P2RY2: variants seen among roughly 807,000 people sequenced by gnomAD.
The protein encoded by P2RY2 is purinergic receptor P2Y2, also known as P2Y purinoceptor 2.
For missense variants in P2RY2, 567 were observed against 515.7 expected, an observed-to-expected ratio of 1.10 and a Z score of -0.96; for synonymous variants, 241 against 231.9, an observed-to-expected ratio of 1.04 and a Z score of -0.35.
At position 73,235,990 on chromosome 11, in the gene P2RY2, G is replaced by C; in HGVS notation, c.*697G>C. 1 of 1,000,296 alleles carries C rather than the reference G, an allele frequency of 1.0e-6. No individual in the cohort carries two copies. Among genetic ancestry groups the C allele is most frequent in the African/African-American group, 1.7e-5 (1 of 57,338 alleles). The allele number at this position is 1,000,296 out of a possible 1,614,324, so 62.0% of individuals were successfully genotyped here. A position where few individuals can be genotyped will look rare whatever the true frequency, so the allele number is the denominator to read the frequency against. ...GGATATGGCAGGGAAGCTTTCACCA[G>C]CCACACAAGGGTCCTTTCTCCAATC... On this transcript the variant is annotated 3_prime_UTR_variant, in exon 3 of 3. Transcript: ENST00000393597.
Position 73,228,174 on chromosome 11 carries a change from A to T in P2RY2, c.-6A>T, listed in dbSNP as rs565731214. ...CTGACCTGGAGAGCAGGGGCTGGTC[A>T]GGTACGTGGGGTGGGGGTGGGGGGG... On this transcript the variant is annotated splice_region_variant and 5_prime_UTR_variant, in exon 2 of 3. Coordinates refer to ENST00000393597, the MANE Select transcript of P2RY2 (RefSeq NM_002564.4). 3 of 36,442 alleles carry T rather than the reference A, an allele frequency of 8.2e-5. No individual in the cohort carries two copies. Among genetic ancestry groups the T allele is most frequent in the Admixed American group, 3.8e-4 (1 of 2,612 alleles). The allele number at this position is 36,442 out of a possible 1,614,324, so 2.3% of individuals were successfully genotyped here.
intron 2 of P2RY2, among the ~76,000 whole-genome samples, chr11:73,229,156 C>T (rs117368479): frequency 1.3e-5 from 2 of 152,138 alleles, no homozygotes; most frequent in Non-Finnish European, 2.9e-5. Context: ...GACAAATTAC[C>T]AACTGGCTGA....
At chr11:73,218,635 C>T (rs972023395) in intron 1 of P2RY2, 1 of 152,114 alleles carries the variant, frequency 6.6e-6, no homozygotes, top group Non-Finnish European at 1.5e-5. Flanking sequence ...TGAACTTTGT[C>T]TCCACGGGAG....
Position 73,234,949 on chromosome 11 carries a change from A to AC in P2RY2, c.793dup (p.Arg265ProfsTer34), listed in dbSNP as rs1415433915. On this transcript the variant is annotated frameshift_variant, in exon 3 of 3. Transcript: ENST00000393597. LOFTEE classifies it low-confidence loss of function (END_TRUNC). Reference sequence around the variant, plus strand: ...CCTCTGCTTCCTGCCATTCCACGTCACCCGCACCCTCTACTACTCCTTCCG... The same window carrying AC: ...CCTCTGCTTCCTGCCATTCCACGTCACCCCGCACCCTCTACTACTCCTTCCG... 6.2e-7 allele frequency: 1 copy of AC among 1,610,656 alleles called. No homozygotes were observed. The highest frequency in any genetic ancestry group is 1.7e-5 in the Admixed American group (1 of 60,026).
Position 73,237,722 on chromosome 11 carries a change from C to G in P2RY2, c.*2429C>G, listed in dbSNP as rs986460667. Among the ~76,000 whole-genome samples the G allele has an allele frequency of 2.0e-5, 3 of 152,196 alleles. No homozygotes were observed. The highest frequency in any genetic ancestry group is 2.9e-5 in the Non-Finnish European group (2 of 68,042). The stretch of plus-strand genomic sequence containing the variant: ...GTGAACCAGGGGCACCTCTGGAACC[C>G]AGTTGGACTGCCTGGCCCCTTGGTA... On this transcript the variant is annotated 3_prime_UTR_variant, in exon 3 of 3. Transcript: ENST00000393597.
Position 73,239,027 on chromosome 11 carries a change from A to T in P2RY2, c.*3734A>T, listed in dbSNP as rs553415479. On this transcript the variant is annotated 3_prime_UTR_variant, in exon 3 of 3. Coordinates refer to ENST00000393597, the MANE Select transcript of P2RY2 (RefSeq NM_002564.4). ...TTTCTAAAGTGTGCTGCTACCTTCC[A>T]TGCAGGGCGTTGAGGGGCTTCCCTA... 2.0e-5 allele frequency: 3 copies of T among 152,332 alleles called. No individual in the cohort carries two copies. Among genetic ancestry groups the T allele is most frequent in the East Asian group, 1.9e-4 (1 of 5,192 alleles). 9.4% of individuals were successfully genotyped at this position (152,332 alleles called of 1,614,324 possible). A position where few individuals can be genotyped will look rare whatever the true frequency, so the allele number is the denominator to read the frequency against.
In P2RY2 at chr11:73,239,959, G is replaced by A. The variant is rs1304971493; in HGVS notation, c.*4666G>A. The stretch of plus-strand genomic sequence containing the variant: ...GCCAGGAGTGACCAGACTACAGAGT[G>A]AGGGGTGTGCTTGTGGGGGTGAAGG... On this transcript the variant is annotated 3_prime_UTR_variant, in exon 3 of 3. Transcript: ENST00000393597. 1 of 152,696 alleles carries A rather than the reference G, an allele frequency of 6.5e-6. No homozygotes were observed. The highest frequency in any genetic ancestry group is 1.5e-5 in the Non-Finnish European group (1 of 68,426). The allele number at this position is 152,696 out of a possible 1,614,324, so 9.5% of individuals were successfully genotyped here. A position where few individuals can be genotyped will look rare whatever the true frequency, so the allele number is the denominator to read the frequency against.
chr11:73,220,266 C>G (rs1052941832), intron 1 of P2RY2, among the ~76,000 whole-genome samples: 6 of 152,184 alleles, frequency 3.9e-5, no homozygotes, highest in African/African-American at 9.7e-5. Context: ...AGGCTAAAGA[C>G]CTAGAGATTT....
rs1862671360 is a variant in P2RY2 at position 73,237,041 on chromosome 11, T to C, written c.*1748T>C. 3 of 985,074 alleles carry C rather than the reference T, an allele frequency of 3.0e-6. No homozygotes were observed. The Admixed American group carries it at 1.8e-4, about 61-fold the overall frequency. 61.0% of individuals were successfully genotyped at this position (985,074 alleles called of 1,614,324 possible). Reference sequence around the variant, plus strand: ...CCTCTCCACCCTTCCCACTCTGCCTTGTGAAAGGCAGGACATCCCCAAAGC... The same window carrying C: ...CCTCTCCACCCTTCCCACTCTGCCTCGTGAAAGGCAGGACATCCCCAAAGC... On this transcript the variant is annotated 3_prime_UTR_variant, in exon 3 of 3. Coordinates refer to ENST00000393597, the MANE Select transcript of P2RY2 (RefSeq NM_002564.4).
rs1591646261 is a variant in P2RY2 at position 73,241,504 on chromosome 11, C to G, written c.*6211C>G. 6.6e-6 allele frequency: 1 copy of G among 152,442 alleles called. No homozygotes were observed. The highest frequency in any genetic ancestry group is 1.5e-5 in the Non-Finnish European group (1 of 68,148). The allele number at this position is 152,442 out of a possible 1,614,324, so 9.4% of individuals were successfully genotyped here. ...ATGCAACTGTTTGATTTTCCTCCCA[C>G]CCATGCTCCCTGCTCAGTGACGTGT... On this transcript the variant is annotated 3_prime_UTR_variant, in exon 3 of 3. Coordinates refer to ENST00000393597, the MANE Select transcript of P2RY2 (RefSeq NM_002564.4).
intron 1 of P2RY2, among the ~76,000 whole-genome samples, chr11:73,219,131 T>C (rs1862049607): frequency 6.6e-6 from 1 of 152,226 alleles, no homozygotes; most frequent in African/African-American, 2.4e-5. Context: ...GAGACCAGAA[T>C]TGCCAGCTCG....
In P2RY2 at chr11:73,238,352, G is replaced by A. The variant is rs1207970271; in HGVS notation, c.*3059G>A. Among the ~76,000 whole-genome samples the A allele has an allele frequency of 6.6e-6, 1 of 152,204 alleles. No individual in the cohort carries two copies. Among genetic ancestry groups the A allele is most frequent in the Non-Finnish European group, 1.5e-5 (1 of 68,020 alleles). On this transcript the variant is annotated 3_prime_UTR_variant, in exon 3 of 3. Transcript: ENST00000393597. The stretch of plus-strand genomic sequence containing the variant: ...TGCATGACATCAGGGCAGGGTCCCT[G>A]GCACACAGGGGTCTCTGCCCTGGGT...
In P2RY2 at chr11:73,238,800, G is replaced by A. The variant is rs1862714471; in HGVS notation, c.*3507G>A. 6.6e-6 allele frequency among the ~76,000 whole-genome samples: 1 copy of A among 152,264 alleles called. No individual in the cohort carries two copies. The highest frequency in any genetic ancestry group is 1.5e-5 in the Non-Finnish European group (1 of 68,018). ...TGGCCAGAATCATGCCCTTTATAGT[G>A]CCCCACGACACTCACAGCCCTGCAG... On this transcript the variant is annotated 3_prime_UTR_variant, in exon 3 of 3. Coordinates refer to ENST00000393597, the MANE Select transcript of P2RY2 (RefSeq NM_002564.4).
In P2RY2 at chr11:73,236,655, G is replaced by A. The variant is rs1862660677; in HGVS notation, c.*1362G>A. 1.0e-6 allele frequency: 1 copy of A among 985,278 alleles called. No individual in the cohort carries two copies. Among genetic ancestry groups the A allele is most frequent in the South Asian group, 4.7e-5 (1 of 21,282 alleles). The allele number at this position is 985,278 out of a possible 1,614,324, so 61.0% of individuals were successfully genotyped here. ...CTGGGTCACAAGGAGGCCAAGTTAG[G>A]GCTCCCTCCTTGCCCTGACCCTGAG... is the stretch of plus-strand genomic sequence containing the variant. On this transcript the variant is annotated 3_prime_UTR_variant, in exon 3 of 3. Transcript: ENST00000393597.
intron 2 of P2RY2, among the ~76,000 whole-genome samples, chr11:73,231,535 T>G (rs1591635954): frequency 1.4e-5 from 2 of 144,616 alleles, no homozygotes; most frequent in African/African-American, 2.6e-5. Context: ...CCAGTCTGGG[T>G]GATGGAGTGA....
chr11:73,237,173 C>T lies in P2RY2; in HGVS notation c.*1880C>T. 1.1e-6 allele frequency: 1 copy of T among 937,942 alleles called. No homozygotes were observed. The highest frequency in any genetic ancestry group is 1.3e-6 in the Non-Finnish European group (1 of 786,684). 58.1% of individuals were successfully genotyped at this position (937,942 alleles called of 1,614,324 possible). ...TACTGTGCCAGGTGGGTGACCTGCC[C>T]AGAATAGTGTGAGCTATTCACCTCT... On this transcript the variant is annotated 3_prime_UTR_variant, in exon 3 of 3. Transcript: ENST00000393597.
rs182109065 is a variant in P2RY2 at position 73,235,098 on chromosome 11, C to A, written c.939C>A (p.Leu313=). 17 of 1,606,894 alleles carry A rather than the reference C, an allele frequency of 1.1e-5. No homozygotes were observed. Among genetic ancestry groups the A allele is most frequent in the Non-Finnish European group, 1.3e-5 (15 of 1,178,790 alleles). Reference sequence around the variant, plus strand: ...TCTACTTCCTGGCTGGGCAGAGGCTCGTACGCTTTGCCCGAGATGCCAAGC... The same window carrying A: ...TCTACTTCCTGGCTGGGCAGAGGCTAGTACGCTTTGCCCGAGATGCCAAGC... ...PVLYFLAGQR[L]VRFARDAKPP... is the part of the protein sequence containing the mutation. Residue 313 remains leucine (L), a synonymous_variant, in exon 3 of 3, where the codon CTC becomes CTA. Coordinates refer to ENST00000393597, the MANE Select transcript of P2RY2 (RefSeq NM_002564.4).
chr11:73,227,559 A>G (rs1337128424), intron 1 of P2RY2, among the ~76,000 whole-genome samples: 2 of 152,136 alleles, frequency 1.3e-5, no homozygotes, highest in Admixed American at 6.5e-5. Context: ...CTTGGGCAAA[A>G]TTGTATTGGC....
rs915160167 is a variant in P2RY2, at chr11:73,236,732, C to G, written c.*1439C>G. On this transcript the variant is annotated 3_prime_UTR_variant, in exon 3 of 3. Transcript: ENST00000393597. ...GAAAGAGATTCACTCCTCCTCCTGT[C>G]CATCGTCTGCCTTCTGGGAAAATCC... 2.0e-5 allele frequency: 20 copies of G among 985,372 alleles called. No individual in the cohort carries two copies. In the African/African-American group the frequency reaches 3.5e-4, roughly 17 times the overall value. The allele number at this position is 985,372 out of a possible 1,614,324, so 61.0% of individuals were successfully genotyped here. A position where few individuals can be genotyped will look rare whatever the true frequency, so the allele number is the denominator to read the frequency against.
Sources: gnomAD v4.1 joint callset for allele counts (sites outside exome capture counted in the v4.1 genomes callset) on GRCh38, gnomAD v4.1.1 for gene constraint, MANE v1.5 for transcripts, NCBI Gene and HGNC (gene_info 2026-07-23, HGNC 2026-07-21) for gene names.